Variants in ALDH9A1 observed in about 807,000 individuals in gnomAD.
ALDH9A1 encodes the protein 4-trimethylaminobutyraldehyde dehydrogenase.
A neutral mutation model predicts 56.6 loss-of-function variants in ALDH9A1; 42 were observed. The observed-to-expected ratio is 0.74, with a 90% CI of 0.58 to 0.96. The LOEUF is 0.96. ALDH9A1 is among the 40% of genes least tolerant of loss of function. The pLI is 0.00. For missense variants in ALDH9A1, 661 were observed against 651.5 expected, an observed-to-expected ratio of 1.01 and a Z score of -0.16; for synonymous variants, 242 against 236.0, an observed-to-expected ratio of 1.03 and a Z score of -0.23.
chr1:165,679,848 C>T (rs948807709), intron 5 of ALDH9A1, among the ~76,000 whole-genome samples: 6 of 151,696 alleles, frequency 4.0e-5, no homozygotes, highest in Admixed American at 2.6e-4. Context: ...CCTATCTCTA[C>T]AGAAAAATAA....
chr1:165,687,996 AG>A (rs1195910176), intron 2 of ALDH9A1, among the ~76,000 whole-genome samples: 1 of 132,650 alleles, frequency 7.5e-6, no homozygotes. Context: ...CAAAAAAAAA[AG>A]AGAAAGAAAA....
intron 5 of ALDH9A1, 86 bp from the exon 6 acceptor site, chr1:165,679,668 A>T: frequency 7.1e-7 from 1 of 1,405,532 alleles, no homozygotes; most frequent in Non-Finnish European, 1.0e-6. Flanking sequence ...CTACAAAATC[A>T]TCTTGAACTG....
chr1:165,667,453 G>A lies in ALDH9A1; in HGVS notation c.1208-3C>T. On this transcript the variant is annotated splice_polypyrimidine_tract_variant and splice_region_variant and intron_variant, in intron 8 of 10. Coordinates refer to ENST00000354775, the MANE Select transcript of ALDH9A1 (RefSeq NM_000696.4). ...GGTCATGTCGTCTCTGCAATTAGCT[G>A]CAAACATTAAAATAAAACCTCCTGA... 2.5e-6 allele frequency: 4 copies of A among 1,613,390 alleles called. No individual in the cohort carries two copies. The highest frequency in any genetic ancestry group is 1.1e-5 in the South Asian group (1 of 91,052).
chr1:165,670,577 C>T (rs886646640), intron 6 of ALDH9A1, among the ~76,000 whole-genome samples: 2 of 151,814 alleles, frequency 1.3e-5, no homozygotes, highest in Non-Finnish European at 2.9e-5. Flanking sequence ...TTATGCATGG[C>T]AAATACCTTA....
intron 10 of ALDH9A1, among the ~76,000 whole-genome samples, chr1:165,663,799 TCA>T (rs1474102145): frequency 6.6e-6 from 1 of 152,252 alleles, no homozygotes; most frequent in East Asian, 1.9e-4. Flanking sequence ...TCAAATGGTA[TCA>T]CACACAAAGG....
chr1:165,681,293 C>A (rs1464169835), intron 4 of ALDH9A1, among the ~76,000 whole-genome samples: 4 of 152,312 alleles, frequency 2.6e-5, no homozygotes, highest in African/African-American at 9.6e-5. Flanking sequence ...CATATATTAT[C>A]TCATTTAACA....
intron 2 of ALDH9A1, among the ~76,000 whole-genome samples, chr1:165,691,826 A>T (rs372010961): frequency 2.6e-5 from 4 of 152,228 alleles, no homozygotes; most frequent in African/African-American, 9.6e-5. Context: ...CCTCAATAAA[A>T]TACTGGCAAA....
At chr1:165,698,254 G>T in intron 1 of ALDH9A1, 124 bp downstream of exon 1, 1 of 1,444,618 alleles carries the variant, frequency 6.9e-7, no homozygotes, top group Non-Finnish European at 9.1e-7. Flanking sequence ...CACAACCTTA[G>T]ACTCTCCACT....
chr1:165,682,221 C>T lies in ALDH9A1; in HGVS notation c.478G>A (p.Gly160Ser). Residue 160 changes from glycine to serine, a missense_variant, in exon 4 of 11, where the codon GGT (glycine) becomes AGT (serine). Transcript: ENST00000354775. ...SMAGEHIQLP[G>S]GSFGYTRREP... ...CTTCTGGTATAACCAAACGATCCAC[C>T]TGGGAGCTGGATGTGTTCACCTATG... The T allele has an allele frequency of 6.2e-7, 1 of 1,613,662 alleles. No individual in the cohort carries two copies. Among genetic ancestry groups the T allele is most frequent in the Admixed American group, 1.7e-5 (1 of 60,010 alleles).
At position 165,667,340 on chromosome 1, in the gene ALDH9A1, T is replaced by A. The variant is rs1349095930; in HGVS notation, c.1318A>T (p.Thr440Ser). The change falls in exon 9 of 11, where the codon ACT becomes TCT. Residue 440 changes from threonine (T) to serine (S), a missense_variant. Physicochemically the swap from Thr to Ser is moderately conservative, Grantham distance 58. Transcript: ENST00000354775. ...AAGACGCCAGCTGCTAGTCCAAAAG[T>A]GGTATCATTGGCTCTTTCTAGAACC... ...AEVLERANDTTFGLAAGVFTR... is the reference protein window; with the variant it reads ...AEVLERANDTSFGLAAGVFTR... 1 of 1,614,116 alleles carries A rather than the reference T, an allele frequency of 6.2e-7. No individual in the cohort carries two copies. Among genetic ancestry groups the A allele is most frequent in the Admixed American group, 1.7e-5 (1 of 60,006 alleles).
intron 10 of ALDH9A1, among the ~76,000 whole-genome samples, chr1:165,663,788 C>T (rs1482762405): frequency 2.0e-5 from 3 of 152,246 alleles, no homozygotes; most frequent in Non-Finnish European, 4.4e-5. Context: ...GGGAGCACCA[C>T]TCAAATGGTA....
At chr1:165,671,545 T>C (rs1432409376) in intron 6 of ALDH9A1, 4 of 452,918 alleles carry the variant, frequency 8.8e-6, no homozygotes, top group African/African-American at 6.2e-5. Context: ...ATCTCTACCA[T>C]TTAATTAAGG....
intron 2 of ALDH9A1, among the ~76,000 whole-genome samples, chr1:165,684,576 G>C (rs1243678073): frequency 2.6e-5 from 4 of 152,112 alleles, no homozygotes; most frequent in Admixed American, 1.3e-4. Context: ...ACACAAAATA[G>C]TTTTCCAAAG....
At position 165,691,139 on chromosome 1, in the gene ALDH9A1, G is replaced by A. The variant is rs367999098; in HGVS notation, c.327+4113C>T. Reference sequence around the variant, plus strand: ...AGGCCGACTGACACCTCATACAGGTGGGTGCCCTTCTGGGACAAAGCTTCT... The same window carrying A: ...AGGCCGACTGACACCTCATACAGGTAGGTGCCCTTCTGGGACAAAGCTTCT... On this transcript the variant is annotated intron_variant, in intron 2 of 10. Transcript: ENST00000354775. Among the ~76,000 whole-genome samples, 39 of 152,290 alleles carry A rather than the reference G, an allele frequency of 2.6e-4. No individual in the cohort carries two copies. In the East Asian group the frequency reaches 7.0e-3, roughly 27 times the overall value.
At position 165,679,657 on chromosome 1, in the gene ALDH9A1, C is replaced by G. The variant is rs4646895; in HGVS notation, c.790-75G>C. On this transcript the variant is annotated intron_variant, in intron 5 of 10. Transcript: ENST00000354775. ...CATGCTAAGTCAACTAGGCCCTGAA[C>G]CTACAAAATCATCTTGAACTGTTTG... 0.43 allele frequency: 636,624 copies of G among 1,491,392 alleles called. 139,029 individuals are homozygous for G. The highest frequency in any genetic ancestry group is 0.47 in the Middle Eastern group (2,607 of 5,566). The allele number at this position is 1,491,392 out of a possible 1,614,324, so 92.4% of individuals were successfully genotyped here.
chr1:165,669,309 G>A lies in ALDH9A1; in HGVS notation c.1072C>T (p.Pro358Ser). Residue 358 changes from proline to serine, a missense_variant, in exon 7 of 11, where the codon CCA becomes TCA. Coordinates refer to ENST00000354775, the MANE Select transcript of ALDH9A1 (RefSeq NM_000696.4). ...DTRMGPLINR[P>S]HLERVLGFVK... ...AACCCAAGGACTCGCTCCAGGTGTG[G>A]TCGGTTGATGAGTGGACCCATCCTT... The A allele has an allele frequency of 6.2e-7, 1 of 1,613,378 alleles. No individual in the cohort carries two copies. Among genetic ancestry groups the A allele is most frequent in the Non-Finnish European group, 8.5e-7 (1 of 1,179,802 alleles).
chr1:165,681,641 T>G (rs1362573496), intron 4 of ALDH9A1, among the ~76,000 whole-genome samples: 1 of 152,200 alleles, frequency 6.6e-6, no homozygotes, highest in African/African-American at 2.4e-5. Flanking sequence ...TTTATGTCAA[T>G]CAGCCAAAGC....
Position 165,663,092 on chromosome 1 carries a change from C to A in ALDH9A1, c.1515G>T (p.Lys505Asn). 1 of 1,614,074 alleles carries A rather than the reference C, an allele frequency of 6.2e-7. No homozygotes were observed. The highest frequency in any genetic ancestry group is 8.5e-7 in the Non-Finnish European group (1 of 1,179,960). ...CATCACCCATCTCCACACACACAGTCTTCAGCTGTGAATAATATTCGATTG... is the reference window on the plus strand; with the variant it reads ...CATCACCCATCTCCACACACACAGTATTCAGCTGTGAATAATATTCGATTG... ...RVTIEYYSQLKTVCVEMGDVE... is the reference protein window; with the variant it reads ...RVTIEYYSQLNTVCVEMGDVE... The change falls in exon 11 of 11, where the codon AAG (lysine) becomes AAT (asparagine). Residue 505 changes from lysine (K) to asparagine (N), a missense_variant. Physicochemically the swap from Lys to Asn is moderately conservative, Grantham distance 94 (BLOSUM62 0). Transcript: ENST00000354775.
intron 6 of ALDH9A1, among the ~76,000 whole-genome samples, chr1:165,676,095 A>G (rs757520443): frequency 2.6e-5 from 4 of 152,196 alleles, no homozygotes; most frequent in Non-Finnish European, 5.9e-5. Context: ...TGAACTTATT[A>G]TTATGTAGAC....
Sources: gnomAD v4.1 joint callset for allele counts (sites outside exome capture counted in the v4.1 genomes callset) on GRCh38, gnomAD v4.1.1 for gene constraint, MANE v1.5 for transcripts, NCBI Gene and HGNC (gene_info 2026-07-23, HGNC 2026-07-21) for gene names.